The following ELF5 variants were observed in gnomAD, a reference collection of about 807,000 sequenced individuals.
ELF5 encodes the protein ETS-related transcription factor Elf-5.
In ELF5, 31 loss-of-function variants were observed where a neutral mutation model predicts 38.2. The observed-to-expected ratio is 0.81, with a 90% CI of 0.61 to 1.10. The LOEUF (loss-of-function observed/expected upper bound fraction) is 1.10, where lower values mean the gene tolerates loss of function less well. Among genes scored for constraint, ELF5 ranks in the 50% least tolerant of loss-of-function variants. The pLI, the probability that ELF5 is intolerant of heterozygous loss-of-function variation, is 0.00. For synonymous variants in ELF5, 121 were observed against 112.5 expected (o/e 1.08, Z -0.48); for missense variants, 300 against 306.6 (o/e 0.98, Z 0.16).
chr11:34,484,047 G>T (rs1490612261), intron 4 of ELF5, among the ~76,000 whole-genome samples: 1 of 150,660 alleles, frequency 6.6e-6, no homozygotes, highest in East Asian at 2.0e-4. Flanking sequence ...TTATACTGTA[G>T]TATACTATAC....
chr11:34,486,154 T>C (rs1365990846), intron 4 of ELF5, among the ~76,000 whole-genome samples: 2 of 152,134 alleles, frequency 1.3e-5, no homozygotes, highest in African/African-American at 4.8e-5. Flanking sequence ...CGTATCCCCA[T>C]GACACTAGCA....
At chr11:34,488,701 G>A (rs573106669) in intron 4 of ELF5, among the ~76,000 whole-genome samples, 22 of 152,176 alleles carry the variant, frequency 1.4e-4, no homozygotes, top group African/African-American at 1.9e-4. Flanking sequence ...TCCTTTTGTC[G>A]TGTGGAAGGC....
At chr11:34,504,959 C>T (rs535038544) in intron 2 of ELF5, among the ~76,000 whole-genome samples, 19 of 152,228 alleles carry the variant, frequency 1.2e-4, no homozygotes, top group African/African-American at 3.6e-4. Context: ...CCTTTGGCTC[C>T]CTTAGTCCTT....
chr11:34,506,962 T>C (rs890530618), intron 1 of ELF5, among the ~76,000 whole-genome samples: 2 of 152,186 alleles, frequency 1.3e-5, no homozygotes, highest in Admixed American at 1.3e-4. Context: ...CACAAAACAG[T>C]CCTGAATTGA....
chr11:34,513,158 G>A (rs1176518467), intron 1 of ELF5, among the ~76,000 whole-genome samples: 1 of 152,202 alleles, frequency 6.6e-6, no homozygotes, highest in Non-Finnish European at 1.5e-5. Flanking sequence ...AGATGTCAGA[G>A]GGCAAATGGG....
At chr11:34,489,975 C>G in intron 4 of ELF5, 34 bp downstream of exon 4, 1 of 1,612,982 alleles carries the variant, frequency 6.2e-7, no homozygotes. Flanking sequence ...ACAACCTTGA[C>G]AGAGCCTTGG....
intron 4 of ELF5, among the ~76,000 whole-genome samples, chr11:34,486,414 G>A (rs1249385184): frequency 1.3e-5 from 2 of 152,178 alleles, no homozygotes; most frequent in Non-Finnish European, 2.9e-5. Context: ...GTGTGTCTGG[G>A]CACCTTCAGT....
intron 5 of ELF5, among the ~76,000 whole-genome samples, chr11:34,481,371 A>G: frequency 6.6e-6 from 1 of 152,076 alleles, no homozygotes; most frequent in East Asian, 1.9e-4. Context: ...TCACTAGGTC[A>G]TGAGAATTGC....
In ELF5 at chr11:34,478,824, A is replaced by G. The variant is rs1856858260; in HGVS notation, c.*1394T>C. 2 of 152,692 alleles carry G rather than the reference A, an allele frequency of 1.3e-5. No individual in the cohort carries two copies. Among genetic ancestry groups the G allele is most frequent in the Non-Finnish European group, 2.9e-5 (2 of 68,052 alleles). The allele number at this position is 152,692 out of a possible 1,614,324, so 9.5% of individuals were successfully genotyped here. ...GTTAAATACTTTATTCACATTGTTTACAAACTATATCCACCTGGAAAACAC... is the reference window on the plus strand; with the variant it reads ...GTTAAATACTTTATTCACATTGTTTGCAAACTATATCCACCTGGAAAACAC... On this transcript the variant is annotated 3_prime_UTR_variant, in exon 7 of 7. Transcript: ENST00000257832.
chr11:34,492,147 T>C (rs1850194592), intron 3 of ELF5: 1 of 152,260 alleles, frequency 6.6e-6, no homozygotes, highest in Admixed American at 6.5e-5. Flanking sequence ...CCGTTGTGAC[T>C]TGGTCAAACT....
intron 1 of ELF5, among the ~76,000 whole-genome samples, chr11:34,508,823 G>T (rs77906724): frequency 2.4e-3 from 371 of 152,324 alleles, no homozygotes; most frequent in Middle Eastern, 0.014. Flanking sequence ...CATAGCCAGT[G>T]GATGCCAGAG....
chr11:34,511,091 G>A (rs189188285), intron 1 of ELF5, among the ~76,000 whole-genome samples: 1 of 152,300 alleles, frequency 6.6e-6, no homozygotes, highest in Non-Finnish European at 1.5e-5. Context: ...GTGACTTTCT[G>A]CAGACACCCA....
In ELF5 at chr11:34,493,522, G is replaced by T; in HGVS notation, c.312C>A (p.Cys104Ter). Residue 104 changes from cysteine to a stop codon, truncating the protein, a stop_gained, in exon 3 of 7, where the codon TGC becomes TGA. Coordinates refer to ENST00000257832, the MANE Select transcript of ELF5 (RefSeq NM_001422.4). LOFTEE classifies it high-confidence loss of function. ...GGAGGATGAAGTACAGGTACTCGCC[G>T]CAGAGGCCAGCTGCCTCGACGAACT... Reference protein sequence around the residue: ...QEEFVEAAGLCGEYLYFILQN... With the variant: ...QEEFVEAAGL 6.2e-7 allele frequency: 1 copy of T among 1,614,088 alleles called. No homozygotes were observed. Among genetic ancestry groups the T allele is most frequent in the Non-Finnish European group, 8.5e-7 (1 of 1,180,016 alleles).
intron 2 of ELF5, among the ~76,000 whole-genome samples, chr11:34,497,214 G>A (rs1238626416): frequency 3.3e-5 from 5 of 152,164 alleles, no homozygotes; most frequent in African/African-American, 1.2e-4. Flanking sequence ...AATGGGTTGT[G>A]TTGTCTGGAA....
chr11:34,490,359 G>C (rs976640301), intron 3 of ELF5, among the ~76,000 whole-genome samples: 1 of 152,212 alleles, frequency 6.6e-6, no homozygotes, highest in Non-Finnish European at 1.5e-5. Context: ...CTGGGGTCCA[G>C]GGCTGGGCTC....
intron 3 of ELF5, chr11:34,491,607 C>G (rs1850173857): frequency 7.1e-6 from 1 of 141,066 alleles, no homozygotes; most frequent in Non-Finnish European, 1.5e-5. Context: ...CAGGATTTTG[C>G]TCTTTTTGCC....
intron 1 of ELF5, among the ~76,000 whole-genome samples, chr11:34,509,547 A>G (rs1850699771): frequency 6.6e-6 from 1 of 150,412 alleles, no homozygotes. Flanking sequence ...CCAATCAAAC[A>G]GATGTCAAGG....
Position 34,513,240 on chromosome 11 carries a change from A to G in ELF5, c.-5+437T>C, listed in dbSNP as rs76171697. ...TATAATAAGGGAGTTCTCTGTATCG[A>G]GGGGGTGGGGGACAGTGGGCAGGCC... On this transcript the variant is annotated intron_variant, in intron 1 of 6. Transcript: ENST00000257832. Among the ~76,000 whole-genome samples, 558 of 142,670 alleles carry G rather than the reference A, an allele frequency of 3.9e-3. 1 individual carries two copies. Among genetic ancestry groups the G allele is most frequent in the African/African-American group, 0.014 (526 of 37,524 alleles). 93.6% of individuals were successfully genotyped at this position (142,670 alleles called of 152,430 possible). A position where few individuals can be genotyped will look rare whatever the true frequency, so the allele number is the denominator to read the frequency against.
At chr11:34,498,912 T>TG (rs1344696141) in intron 2 of ELF5, among the ~76,000 whole-genome samples, 1 of 151,982 alleles carries the variant, frequency 6.6e-6, no homozygotes, top group African/African-American at 2.4e-5. Context: ...GCCAACAAGG[T>TG]GAAACCCTGT....
Sources: gnomAD v4.1 joint callset for allele counts (sites outside exome capture counted in the v4.1 genomes callset) on GRCh38, gnomAD v4.1.1 for gene constraint, MANE v1.5 for transcripts, NCBI Gene and HGNC (gene_info 2026-07-23, HGNC 2026-07-21) for gene names.